Variants in LCT observed in about 807,000 individuals in gnomAD.
The protein encoded by LCT is lactase/phlorizin hydrolase.
A neutral mutation model predicts 173.0 loss-of-function variants in LCT; 90 were observed. That is an observed-to-expected ratio of 0.52 (90% CI 0.44 to 0.62). The LOEUF is 0.62. Among genes scored for constraint, LCT ranks in the 20% least tolerant of loss-of-function variants. The pLI, the probability that LCT is intolerant of heterozygous loss-of-function variation, is 0.00. For missense variants in LCT, 1,864 were observed against 2,431.4 expected (o/e 0.77, Z 4.91); for synonymous variants, 853 against 957.6 (o/e 0.89, Z 2.02).
Position 135,804,813 on chromosome 2 carries a change from T to G in LCT, c.4418A>C (p.Tyr1473Ser). 1 of 1,613,572 alleles carries G rather than the reference T, an allele frequency of 6.2e-7. No individual in the cohort carries two copies. Among genetic ancestry groups the G allele is most frequent in the Non-Finnish European group, 8.5e-7 (1 of 1,180,014 alleles). Residue 1473 changes from tyrosine to serine, a missense_variant, in exon 10 of 17, where the codon TAC becomes TCC. Tyr to Ser is a moderately radical substitution (Grantham distance 144, BLOSUM62 -2). Around this residue, in one of 4 missense-constraint regions of LCT, gnomAD observed 514 missense variants for 750.1 expected, o/e 0.69. Coordinates refer to ENST00000264162, the MANE Select transcript of LCT (RefSeq NM_002299.4). ...RYINEAGLNY[Y>S]VRLIDTLLAA... The stretch of plus-strand genomic sequence containing the variant: ...CAGCAGTGTATCGATGAGCCTCACG[T>G]AGTAGTTCAGGCCCGCTTCATTGAT...
rs182778470 is a variant in LCT at position 135,790,007 on chromosome 2, C to T, written c.5336-209G>A. Among the ~76,000 whole-genome samples the T allele has an allele frequency of 4.0e-4, 61 of 152,296 alleles. No individual in the cohort carries two copies. The highest frequency in any genetic ancestry group is 1.4e-3 in the African/African-American group (59 of 41,560). On this transcript the variant is annotated intron_variant, in intron 15 of 16. Coordinates refer to ENST00000264162, the MANE Select transcript of LCT (RefSeq NM_002299.4). The surrounding 1 kb of genome is among the most constrained non-coding windows in gnomAD (Gnocchi z 4.1). Reference sequence around the variant, plus strand: ...TCTGTGGATGGAGATGTAGAGCCACCAGCATCTTTAGAAAGGCTCAGCCCT... The same window carrying T: ...TCTGTGGATGGAGATGTAGAGCCACTAGCATCTTTAGAAAGGCTCAGCCCT...
chr2:135,798,375 T>C (rs1054967721), intron 12 of LCT, among the ~76,000 whole-genome samples: 2 of 152,168 alleles, frequency 1.3e-5, no homozygotes, highest in Non-Finnish European at 2.9e-5. Flanking sequence ...CTCTTCATAG[T>C]TGTAGCTTGA....
chr2:135,815,236 A>T (rs1208736415), intron 6 of LCT, among the ~76,000 whole-genome samples: 1 of 152,222 alleles, frequency 6.6e-6, no homozygotes, highest in Non-Finnish European at 1.5e-5. Flanking sequence ...TGGCATTCTA[A>T]CATTGAACTA....
At chr2:135,797,262 T>C (rs2077589426) in intron 13 of LCT, among the ~76,000 whole-genome samples, 1 of 152,188 alleles carries the variant, frequency 6.6e-6, no homozygotes, top group African/African-American at 2.4e-5. Flanking sequence ...AGCTGGATTT[T>C]TAATCCTCAG....
intron 4 of LCT, 49 bp downstream of exon 4, chr2:135,823,852 C>G: frequency 1.6e-6 from 2 of 1,223,140 alleles, no homozygotes; most frequent in Non-Finnish European, 1.2e-6. Flanking sequence ...ACCTAGCACA[C>G]CAGTGCACCA....
At position 135,809,803 on chromosome 2, in the gene LCT, G is replaced by A. The variant is rs769248356; in HGVS notation, c.2544C>T (p.Leu848=). Reference sequence around the variant, plus strand: ...GTAGCAGTCTTTTTGCCCCCTTGGTGAGGAAACCGTTCTTTTCTATGATGC... The same window carrying A: ...GTAGCAGTCTTTTTGCCCCCTTGGTAAGGAAACCGTTCTTTTCTATGATGC... ...FTSIIEKNGF[L]TKGAKRLLPP... is the part of the protein sequence containing the mutation. The change falls in exon 8 of 17, where the codon CTC becomes CTT. Residue 848 remains leucine, a synonymous_variant. Transcript: ENST00000264162. This position sits in a 1 kb window ranked among gnomAD's most constrained non-coding sequence, Gnocchi z 5.5. The A allele has an allele frequency of 3.1e-6, 5 of 1,614,070 alleles. No homozygotes were observed. The Admixed American group carries it at 5.0e-5, about 16-fold the overall frequency.
intron 8 of LCT, 148 bp downstream of exon 8, chr2:135,808,295 T>A (rs112241439): frequency 8.8e-6 from 7 of 799,374 alleles, no homozygotes; most frequent in African/African-American, 5.1e-5. Context: ...AAGGAACATA[T>A]AACCCCCAAA....
chr2:135,794,482 T>G (rs890759445), intron 14 of LCT, 159 bp downstream of exon 14: 1 of 760,396 alleles, frequency 1.3e-6, no homozygotes, highest in Non-Finnish European at 2.3e-6. Context: ...TTGCTGGAGA[T>G]TTCCTTGGGA....
chr2:135,800,865 A>G, intron 11 of LCT, 56 bp from the exon 12 acceptor site: 1 of 1,384,738 alleles, frequency 7.2e-7, no homozygotes, highest in South Asian at 1.2e-5. Context: ...TGTGACTGAG[A>G]TTGTTAGTCC....
At chr2:135,795,626 T>C (rs995504063) in intron 13 of LCT, among the ~76,000 whole-genome samples, 1 of 150,826 alleles carries the variant, frequency 6.6e-6, no homozygotes, top group Non-Finnish European at 1.5e-5. Flanking sequence ...ATAATAATAA[T>C]AATAATAATA....
intron 6 of LCT, among the ~76,000 whole-genome samples, chr2:135,813,728 G>A (rs141442057): frequency 6.4e-4 from 98 of 152,324 alleles, no homozygotes; most frequent in African/African-American, 2.2e-3. Flanking sequence ...CTTAATAAGT[G>A]CTTTTTGAGA....
At chr2:135,836,002 AT>A (rs1679346392) in intron 1 of LCT, among the ~76,000 whole-genome samples, 1 of 26,472 alleles carries the variant, frequency 3.8e-5, no homozygotes. Context: ...ATATATATAT[AT>A]ATATATATAT....
In LCT at chr2:135,818,042, C is replaced by A. The variant is rs748166896; in HGVS notation, c.1006G>T (p.Gly336Cys). ...SKKSMSCSLT[G>C]SLALQPDQQQ... The stretch of plus-strand genomic sequence containing the variant: ...TGGTCAGGCTGAAGGGCCAGGCTGC[C>A]AGTCAGAGAACAAGACATGCTGCAG... Residue 336 changes from glycine to cysteine, a missense_variant, in exon 6 of 17, where the codon GGC becomes TGC. By Grantham distance (159) the Gly-to-Cys change is radical. This residue lies in a region of LCT where 412 missense variants were observed against 462.0 expected (regional missense o/e 0.89). Transcript: ENST00000264162. The A allele has an allele frequency of 6.2e-7, 1 of 1,613,312 alleles. No homozygotes were observed. The highest frequency in any genetic ancestry group is 1.1e-5 in the South Asian group (1 of 91,074).
At position 135,790,606 on chromosome 2, in the gene LCT, G is replaced by T; in HGVS notation, c.5335+52C>A. The T allele has an allele frequency of 8.6e-7, 1 of 1,166,512 alleles. No individual in the cohort carries two copies. The highest frequency in any genetic ancestry group is 1.3e-6 in the Non-Finnish European group (1 of 774,176). The allele number at this position is 1,166,512 out of a possible 1,614,324, so 72.3% of individuals were successfully genotyped here. A position where few individuals can be genotyped will look rare whatever the true frequency, so the allele number is the denominator to read the frequency against. On this transcript the variant is annotated intron_variant, in intron 15 of 16. Coordinates refer to ENST00000264162, the MANE Select transcript of LCT (RefSeq NM_002299.4). The surrounding 1 kb of genome is among the most constrained non-coding windows in gnomAD (Gnocchi z 4.1). ...CTGTATCACACTCCTGCAAATAGCAGATGTTTCCAACAGGGGAAGGTGCAC... is the reference window on the plus strand; with the variant it reads ...CTGTATCACACTCCTGCAAATAGCATATGTTTCCAACAGGGGAAGGTGCAC...
intron 8 of LCT, 67 bp downstream of exon 8, chr2:135,808,376 A>G: frequency 4.0e-6 from 5 of 1,258,556 alleles, no homozygotes; most frequent in Non-Finnish European, 5.8e-6. Flanking sequence ...TCCCGGCAAA[A>G]CATTTCAGGC....
At chr2:135,826,343 G>C (rs983291910) in intron 3 of LCT, among the ~76,000 whole-genome samples, 3 of 151,062 alleles carry the variant, frequency 2.0e-5, no homozygotes, top group Non-Finnish European at 4.4e-5. Flanking sequence ...GATCACTTGA[G>C]GCCAGGAGTT....
rs2077684052 is a variant in LCT at position 135,807,253 on chromosome 2, C to T, written c.4048G>A (p.Ala1350Thr). Reference protein sequence around the residue: ...NNTNRPRTARASARYYTEVIT... With the variant: ...NNTNRPRTARTSARYYTEVIT... ...ACCTCTGTGTAGTACCTGGCGGAGGCTCTTGCTGTGCGAGGCCTGTTCGTG... is the reference window on the plus strand; with the variant it reads ...ACCTCTGTGTAGTACCTGGCGGAGGTTCTTGCTGTGCGAGGCCTGTTCGTG... Residue 1350 changes from alanine (A) to threonine (T), a missense_variant, in exon 9 of 17, where the codon GCC becomes ACC. Transcript: ENST00000264162. 1 of 1,614,240 alleles carries T rather than the reference C, an allele frequency of 6.2e-7. No homozygotes were observed. The highest frequency in any genetic ancestry group is 8.5e-7 in the Non-Finnish European group (1 of 1,180,042).
Position 135,837,064 on chromosome 2 carries a change from T to C in LCT, c.106A>G (p.Thr36Ala). 6.2e-7 allele frequency: 1 copy of C among 1,614,034 alleles called. No individual in the cohort carries two copies. The highest frequency in any genetic ancestry group is 8.5e-7 in the Non-Finnish European group (1 of 1,179,982). The change falls in exon 1 of 17, where the codon ACC becomes GCC. Residue 36 changes from threonine (T) to alanine (A), a missense_variant. Physicochemically the swap from Thr to Ala is moderately conservative, Grantham distance 58 (BLOSUM62 0). Around this residue, in one of 4 missense-constraint regions of LCT, gnomAD observed 412 missense variants for 462.0 expected, o/e 0.89. Transcript: ENST00000264162. ...RNFISTAGPLTNDLLHNLSGL... is the reference protein window; with the variant it reads ...RNFISTAGPLANDLLHNLSGL... ...CTCAGGTTGTGCAGCAAGTCATTGG[T>C]TAGAGGACCAGCGGTGGAAATGAAA...
intron 11 of LCT, among the ~76,000 whole-genome samples, chr2:135,802,757 G>A (rs1165412752): frequency 6.6e-6 from 1 of 152,162 alleles, no homozygotes; most frequent in East Asian, 1.9e-4. Context: ...CGGATACAAA[G>A]TTAAGCTAGA....
Sources: allele counts gnomAD v4.1 joint callset (sites outside exome capture counted in the v4.1 genomes callset), GRCh38; gene constraint gnomAD v4.1.1; regional missense constraint gnomAD v4.1.1; non-coding constraint Gnocchi (gnomAD v3.1); transcripts MANE v1.5; gene names NCBI Gene and HGNC (gene_info 2026-07-23, HGNC 2026-07-21).